Variants in NUCB1 observed in about 807,000 individuals in gnomAD.
NUCB1 encodes nucleobindin-1.
NUCB1 carries 47 observed loss-of-function variants against 61.2 expected under a neutral mutation model. That is an observed-to-expected ratio of 0.77 (90% CI 0.61 to 0.98). The LOEUF (loss-of-function observed/expected upper bound fraction) is 0.98, where lower values mean the gene tolerates loss of function less well. Among genes scored for constraint, NUCB1 ranks in the 50% least tolerant of loss-of-function variants. The pLI is 0.00. For synonymous variants in NUCB1, 234 were observed against 243.1 expected, an observed-to-expected ratio of 0.96 and a Z score of 0.35; for missense variants, 583 against 605.3, an observed-to-expected ratio of 0.96 and a Z score of 0.39.
At chr19:48,914,638 G>A (rs922986912) in intron 7 of NUCB1, among the ~76,000 whole-genome samples, 1 of 152,216 alleles carries the variant, frequency 6.6e-6, no homozygotes, top group Admixed American at 6.5e-5. Context: ...TTAAATTAAC[G>A]TACCATTGAA....
chr19:48,912,916 C>G, intron 5 of NUCB1, 95 bp from the exon 6 acceptor site: 1 of 863,838 alleles, frequency 1.2e-6, no homozygotes, highest in Non-Finnish European at 1.7e-6. Flanking sequence ...GGGCTGCCCT[C>G]AGCCAGGTTC....
Position 48,919,041 on chromosome 19 carries a change from G to C in NUCB1, c.828G>C (p.Val276=), listed in dbSNP as rs750714892. Reference sequence around the variant, plus strand: ...GCTTGCTCCTGCAGCTGGAGAAAGTGTACGACCCAAAGAATGAGGAGGACG... The same window carrying C: ...GCTTGCTCCTGCAGCTGGAGAAAGTCTACGACCCAAAGAATGAGGAGGACG... The part of the protein sequence containing the change: ...EALFTKELEK[V]YDPKNEEDDM... The change falls in exon 9 of 13, where the codon GTG becomes GTC. Residue 276 remains valine, a synonymous_variant. Transcript: ENST00000405315. The C allele has an allele frequency of 9.3e-6, 15 of 1,613,888 alleles. No homozygotes were observed. The highest frequency in any genetic ancestry group is 1.3e-5 in the Non-Finnish European group (15 of 1,180,010).
intron 7 of NUCB1, among the ~76,000 whole-genome samples, chr19:48,916,649 G>A (rs572719384): frequency 2.0e-5 from 3 of 151,966 alleles, no homozygotes; most frequent in African/African-American, 7.2e-5. Flanking sequence ...TGGGCTCAGT[G>A]GCTCACGCCT....
At chr19:48,920,672 T>C (rs746722621) in intron 10 of NUCB1, among the ~76,000 whole-genome samples, 11 of 152,122 alleles carry the variant, frequency 7.2e-5, no homozygotes, top group South Asian at 2.1e-4. Flanking sequence ...TATATGCATG[T>C]ACCACCATGC....
chr19:48,921,316 C>A lies in NUCB1; in HGVS notation c.1165C>A (p.Leu389Met). The A allele has an allele frequency of 6.3e-7, 1 of 1,586,764 alleles. No individual in the cohort carries two copies. Among genetic ancestry groups the A allele is most frequent in the Non-Finnish European group, 8.6e-7 (1 of 1,167,156 alleles). ...CCGCCTGGAGGCCCAGAAGAGAGAGCTGCAGCAGGTGACAGCGGGGGAAGC... is the reference window on the plus strand; with the variant it reads ...CCGCCTGGAGGCCCAGAAGAGAGAGATGCAGCAGGTGACAGCGGGGGAAGC... ...QGRLEAQKRE[L>M]QQAVLHMEQR... The change falls in exon 11 of 13, where the codon CTG (leucine) becomes ATG (methionine). Residue 389 changes from leucine to methionine, a missense_variant. Coordinates refer to ENST00000405315, the MANE Select transcript of NUCB1 (RefSeq NM_006184.6).
At chr19:48,917,442 A>G (rs1378701346) in intron 7 of NUCB1, among the ~76,000 whole-genome samples, 6 of 151,014 alleles carry the variant, frequency 4.0e-5, no homozygotes, top group Admixed American at 1.3e-4. Flanking sequence ...TTCCACCTCA[A>G]CCCTTAGAGT....
Position 48,919,191 on chromosome 19 carries a change from C to A in NUCB1, c.910-3C>A. On this transcript the variant is annotated splice_region_variant and splice_polypyrimidine_tract_variant and intron_variant, in intron 9 of 12. Transcript: ENST00000405315. ...TGTCACTCACCCTTATCTGGCTCCCCAGGTGGACACCAACCAGGACCGCCT... is the reference window on the plus strand; with the variant it reads ...TGTCACTCACCCTTATCTGGCTCCCAAGGTGGACACCAACCAGGACCGCCT... 1 of 1,614,084 alleles carries A rather than the reference C, an allele frequency of 6.2e-7. No individual in the cohort carries two copies. The highest frequency in any genetic ancestry group is 8.5e-7 in the Non-Finnish European group (1 of 1,179,968).
intron 2 of NUCB1, 87 bp from the exon 3 acceptor site, chr19:48,904,260 C>A: frequency 1.2e-6 from 1 of 823,210 alleles, no homozygotes; most frequent in Non-Finnish European, 2.0e-6. Flanking sequence ...GTCAGCTGCC[C>A]CAGGGAGCAG....
chr19:48,917,959 T>G (rs1392276469), intron 7 of NUCB1, among the ~76,000 whole-genome samples: 1 of 151,948 alleles, frequency 6.6e-6, no homozygotes, highest in African/African-American at 2.4e-5. Flanking sequence ...TCTTTAATCT[T>G]AATCAATTTA....
chr19:48,911,339 C>T (rs555098380), intron 5 of NUCB1, 87 bp downstream of exon 5: 488 of 866,256 alleles, frequency 5.6e-4, no homozygotes, highest in Non-Finnish European at 8.3e-4. Flanking sequence ...TGAGCCAGCT[C>T]ACCATTCCTG....
At chr19:48,916,293 C>T (rs1435494024) in intron 7 of NUCB1, among the ~76,000 whole-genome samples, 1 of 152,068 alleles carries the variant, frequency 6.6e-6, no homozygotes, top group Non-Finnish European at 1.5e-5. Context: ...TGGCTAGTGG[C>T]TGCTGTACTG....
Position 48,900,872 on chromosome 19 carries a change from G to T in NUCB1, c.76G>T (p.Ala26Ser). The change falls in exon 2 of 13, where the codon GCT becomes TCT. Residue 26 changes from alanine to serine, a missense_variant. Ala to Ser is a moderately conservative substitution (Grantham distance 99). Coordinates refer to ENST00000405315, the MANE Select transcript of NUCB1 (RefSeq NM_006184.6). The stretch of plus-strand genomic sequence containing the variant: ...GCTGCTCCTGCTTCGCGCCGTGCTG[G>T]CTGTCCCCCTGGAGCGAGGGGCGCC... ...LLLLLLRAVL[A>S]VPLERGAPNK... 1.2e-6 allele frequency: 2 copies of T among 1,613,890 alleles called. No homozygotes were observed. Among genetic ancestry groups the T allele is most frequent in the Non-Finnish European group, 8.5e-7 (1 of 1,180,016 alleles).
At chr19:48,901,034 C>T in intron 2 of NUCB1, 103 bp downstream of exon 2, 1 of 1,381,642 alleles carries the variant, frequency 7.2e-7, no homozygotes, top group Non-Finnish European at 1.0e-6. Flanking sequence ...ACTTCCTGGC[C>T]CTACAGTTGT....
intron 7 of NUCB1, 129 bp downstream of exon 7, chr19:48,913,693 C>G (rs1009511736): frequency 1.6e-5 from 11 of 698,282 alleles, no homozygotes; most frequent in Non-Finnish European, 2.8e-5. Flanking sequence ...GCCTATGTCC[C>G]CTGGTTGACC....
At chr19:48,909,874 A>G (rs2037453193) in intron 4 of NUCB1, among the ~76,000 whole-genome samples, 1 of 151,698 alleles carries the variant, frequency 6.6e-6, no homozygotes, top group African/African-American at 2.4e-5. Flanking sequence ...GTCACCAATC[A>G]TGTTGGATTA....
chr19:48,921,131 T>C (rs199997044), intron 10 of NUCB1, 23 bp from the exon 11 acceptor site: 145 of 1,583,920 alleles, frequency 9.2e-5, no homozygotes, highest in Non-Finnish European at 1.2e-4. Flanking sequence ...GTGCCCCTGA[T>C]GGCCCCTGTG....
chr19:48,919,772 TTTTTTTTTTTTTC>T, intron 10 of NUCB1, among the ~76,000 whole-genome samples: 1 of 35,786 alleles, frequency 2.8e-5, no homozygotes, highest in South Asian at 1.6e-3. Context: ...TTTTTTTTTT[TTTTTTTTTTTTTC>T]TGAAACAGGG....
chr19:48,913,201 G>A lies in NUCB1; in HGVS notation c.666+5G>A. 1 of 1,606,772 alleles carries A rather than the reference G, an allele frequency of 6.2e-7. No individual in the cohort carries two copies. Among genetic ancestry groups the A allele is most frequent in the African/African-American group, 1.3e-5 (1 of 74,684 alleles). On this transcript the variant is annotated splice_donor_5th_base_variant and intron_variant, in intron 6 of 12. Transcript: ENST00000405315. ...CACCCTAAAGTCAACGTGCCTGTGA[G>A]GACCCCATTTGTGCCCATCCACTCC... is the stretch of plus-strand genomic sequence containing the variant.
At chr19:48,905,632 C>A in intron 3 of NUCB1, 121 bp from the exon 4 acceptor site, 1 of 1,188,754 alleles carries the variant, frequency 8.4e-7, no homozygotes, top group South Asian at 1.4e-5. Flanking sequence ...CTCTGAGGAG[C>A]TGGGGGACTA....
Sources: gnomAD v4.1 joint callset for allele counts (sites outside exome capture counted in the v4.1 genomes callset) on GRCh38, gnomAD v4.1.1 for gene constraint, MANE v1.5 for transcripts, NCBI Gene and HGNC (gene_info 2026-07-23, HGNC 2026-07-21) for gene names.